The following PARD3 variants were observed in gnomAD, a reference collection of about 807,000 sequenced individuals.
PARD3 encodes the protein partitioning defective 3 homolog.
Under a neutral mutation model 155.4 loss-of-function variants are expected in PARD3, and 75 were observed. The ratio of observed to expected loss-of-function variants is 0.48; its 90% CI spans 0.40 to 0.58. The LOEUF is 0.58. Among genes scored for constraint, PARD3 ranks in the 20% least tolerant of loss-of-function variants. The pLI is 0.00. For missense variants in PARD3, 1,642 were observed against 1,721.7 expected, an observed-to-expected ratio of 0.95 and a Z score of 0.82; for synonymous variants, 576 against 610.5, an observed-to-expected ratio of 0.94 and a Z score of 0.83.
chr10:34,509,801 C>CAA (rs201804245), intron 3 of PARD3, among the ~76,000 whole-genome samples: 2 of 150,452 alleles, frequency 1.3e-5, no homozygotes, highest in Admixed American at 6.6e-5. Context: ...GACAAAACAA[C>CAA]AAAAAAAAAG....
intron 1 of PARD3, among the ~76,000 whole-genome samples, chr10:34,750,465 ACACACACACACACAC>A (rs1288673901): frequency 9.2e-3 from 82 of 8,948 alleles, no homozygotes; most frequent in African/African-American, 0.024. Flanking sequence ...TCTTTCAAAC[ACACACACACACACAC>A]ACACACACAC....
At chr10:34,228,117 C>T (rs1952719865) in intron 22 of PARD3, among the ~76,000 whole-genome samples, 2 of 151,580 alleles carry the variant, frequency 1.3e-5, no homozygotes, top group Non-Finnish European at 2.9e-5. Context: ...TTTACAGCAA[C>T]ACAGATGGAG....
intron 22 of PARD3, among the ~76,000 whole-genome samples, chr10:34,188,425 T>C (rs926347505): frequency 2.6e-5 from 4 of 152,186 alleles, no homozygotes; most frequent in African/African-American, 9.7e-5. Context: ...TTTTTACTTA[T>C]GATCCAGGAT....
intron 22 of PARD3, among the ~76,000 whole-genome samples, chr10:34,214,876 C>T (rs763046842): frequency 6.6e-6 from 1 of 151,964 alleles, no homozygotes; most frequent in Admixed American, 6.6e-5. Flanking sequence ...AGAGTCTAGG[C>T]CCCTTGAAAA....
intron 1 of PARD3, among the ~76,000 whole-genome samples, chr10:34,809,404 G>A (rs1408311915): frequency 6.6e-6 from 1 of 152,160 alleles, no homozygotes; most frequent in Non-Finnish European, 1.5e-5. Context: ...CCAAGCATCT[G>A]AGTCGGTACA....
At chr10:34,730,348 G>C (rs1554821657) in intron 1 of PARD3, among the ~76,000 whole-genome samples, 1 of 151,886 alleles carries the variant, frequency 6.6e-6, no homozygotes, top group Non-Finnish European at 1.5e-5. Context: ...AAATTAATGA[G>C]TTTGCAGATT....
chr10:34,134,862 C>T (rs1947811197), intron 22 of PARD3, among the ~76,000 whole-genome samples: 1 of 152,208 alleles, frequency 6.6e-6, no homozygotes, highest in Non-Finnish European at 1.5e-5. Flanking sequence ...ATTACAATTG[C>T]TCAGTTCTGT....
At chr10:34,393,122 A>G (rs2132105532) in intron 7 of PARD3, among the ~76,000 whole-genome samples, 2 of 150,470 alleles carry the variant, frequency 1.3e-5, no homozygotes, top group East Asian at 3.9e-4. Flanking sequence ...AAAGGCACCA[A>G]AAATGCTAAC....
chr10:34,182,897 T>C (rs1159584549), intron 22 of PARD3, among the ~76,000 whole-genome samples: 1 of 152,170 alleles, frequency 6.6e-6, no homozygotes, highest in Non-Finnish European at 1.5e-5. Context: ...AATTCAAATA[T>C]ATACAGCAAT....
At chr10:34,748,130 T>C (rs1466768157) in intron 1 of PARD3, among the ~76,000 whole-genome samples, 1 of 152,084 alleles carries the variant, frequency 6.6e-6, no homozygotes, top group African/African-American at 2.4e-5. Flanking sequence ...AGGGCTGCAA[T>C]CCACATCTCA....
chr10:34,640,874 G>A (rs2092657818), intron 2 of PARD3, among the ~76,000 whole-genome samples: 1 of 151,830 alleles, frequency 6.6e-6, no homozygotes, highest in Non-Finnish European at 1.5e-5. Context: ...GTGTTTTATG[G>A]GGGAAAAAAG....
chr10:34,633,368 C>G (rs910926361), intron 2 of PARD3, among the ~76,000 whole-genome samples: 1 of 151,586 alleles, frequency 6.6e-6, no homozygotes, highest in South Asian at 2.1e-4. Flanking sequence ...AACCTCCCAA[C>G]CTCTAACCCC....
chr10:34,501,753 T>C (rs2080725934), intron 3 of PARD3, among the ~76,000 whole-genome samples: 1 of 151,706 alleles, frequency 6.6e-6, no homozygotes, highest in Non-Finnish European at 1.5e-5. Flanking sequence ...AAAAAAGATG[T>C]CTACATCTTA....
intron 2 of PARD3, among the ~76,000 whole-genome samples, chr10:34,645,774 CAT>C (rs986861017): frequency 1.3e-5 from 2 of 152,166 alleles, no homozygotes; most frequent in Non-Finnish European, 2.9e-5. Flanking sequence ...AAAAAGCAGA[CAT>C]GTGGACAAAC....
intron 22 of PARD3, among the ~76,000 whole-genome samples, chr10:34,174,959 T>C (rs1235373331): frequency 6.6e-6 from 1 of 152,202 alleles, no homozygotes; most frequent in Non-Finnish European, 1.5e-5. Flanking sequence ...TAAGATTCAT[T>C]GTATTTTTTT....
chr10:34,626,294 A>G (rs1345855436), intron 2 of PARD3, among the ~76,000 whole-genome samples: 1 of 152,188 alleles, frequency 6.6e-6, no homozygotes, highest in African/African-American at 2.4e-5. Context: ...TGGAAGGTAC[A>G]CTAGCAGCCC....
chr10:34,340,734 A>G (rs1836720954), intron 16 of PARD3, among the ~76,000 whole-genome samples: 1 of 152,134 alleles, frequency 6.6e-6, no homozygotes, highest in Admixed American at 6.5e-5. Flanking sequence ...GTTAACGCAA[A>G]TAAATGCCAG....
At chr10:34,149,727 T>G (rs910077839) in intron 22 of PARD3, among the ~76,000 whole-genome samples, 12 of 152,272 alleles carry the variant, frequency 7.9e-5, no homozygotes, top group African/African-American at 2.9e-4. Context: ...AATTTATCTA[T>G]TACAAGTATG....
chr10:34,766,704 A>G (rs963418060), intron 1 of PARD3, among the ~76,000 whole-genome samples: 5 of 135,922 alleles, frequency 3.7e-5, no homozygotes, highest in Middle Eastern at 3.8e-3. Flanking sequence ...GCAGGGGTAT[A>G]GAAACAAAGG....
Sources: allele counts gnomAD v4.1 joint callset (sites outside exome capture counted in the v4.1 genomes callset), GRCh38; gene constraint gnomAD v4.1.1; transcripts MANE v1.5; gene names NCBI Gene and HGNC (gene_info 2026-07-23, HGNC 2026-07-21).